Variants in FAXDC2 observed in about 807,000 individuals in gnomAD.
FAXDC2 encodes fatty acid hydroxylase domain-containing protein 2.
Under a neutral mutation model 40.9 loss-of-function variants are expected in FAXDC2, and 41 were observed. The observed-to-expected ratio is 1.00, with a 90% CI of 0.78 to 1.30. The LOEUF (loss-of-function observed/expected upper bound fraction) is 1.30. Among genes scored for constraint, FAXDC2 ranks in the 50% most tolerant of loss-of-function variants. The probability of loss-of-function intolerance (pLI) is 0.00; values close to 1 mark genes in which losing one functional copy is unlikely to be tolerated. For missense variants in FAXDC2, 390 were observed against 408.8 expected (o/e 0.95, Z 0.40); for synonymous variants, 157 against 149.3 (o/e 1.05, Z -0.38).
intron 1 of FAXDC2, among the ~76,000 whole-genome samples, chr5:154,841,385 G>A (rs1760471615): frequency 6.6e-6 from 1 of 152,146 alleles, no homozygotes; most frequent in African/African-American, 2.4e-5. Context: ...GTGGGTGGCT[G>A]GGATTCCTCT....
chr5:154,823,926 C>T (rs150624224), intron 5 of FAXDC2: 16 of 307,744 alleles, frequency 5.2e-5, no homozygotes, highest in Admixed American at 4.1e-4. Flanking sequence ...CTTGGGTAGC[C>T]TCCATGGTGC....
At chr5:154,825,668 A>AAAAAAAAAAAAAAG (rs70981954) in intron 5 of FAXDC2, among the ~76,000 whole-genome samples, 3 of 143,426 alleles carry the variant, frequency 2.1e-5, no homozygotes, top group African/African-American at 7.8e-5. Flanking sequence ...AAAAAAAAAA[A>AAAAAAAAAAAAAAG]GCAGTAATAT....
At chr5:154,830,090 T>C (rs967592886) in intron 5 of FAXDC2, among the ~76,000 whole-genome samples, 1 of 152,176 alleles carries the variant, frequency 6.6e-6, no homozygotes, top group Admixed American at 6.5e-5. Flanking sequence ...TAAAAGATGA[T>C]TGTCTTGTCT....
Position 154,818,755 on chromosome 5 carries a change from C to T in FAXDC2, c.*1561G>A, listed in dbSNP as rs1301781620. On this transcript the variant is annotated 3_prime_UTR_variant, in exon 9 of 9. Coordinates refer to ENST00000326080, the MANE Select transcript of FAXDC2 (RefSeq NM_032385.5). ...GAAAAAAACCGTATCTGTTCTTTCT[C>T]CTTATCTCCTACCCTTCTCTTTAAG... 1 of 152,252 alleles carries T rather than the reference C, an allele frequency of 6.6e-6. No individual in the cohort carries two copies. Among genetic ancestry groups the T allele is most frequent in the Admixed American group, 6.5e-5 (1 of 15,282 alleles). The allele number at this position is 152,252 out of a possible 1,614,324, so 9.4% of individuals were successfully genotyped here. A position where few individuals can be genotyped will look rare whatever the true frequency, so the allele number is the denominator to read the frequency against.
chr5:154,847,691 A>G (rs1218777375), intron 1 of FAXDC2, among the ~76,000 whole-genome samples: 1 of 149,106 alleles, frequency 6.7e-6, no homozygotes, highest in Non-Finnish European at 1.5e-5. Flanking sequence ...GGGTTTCACC[A>G]TGTTGGCCAG....
At chr5:154,835,385 G>A in intron 2 of FAXDC2, 1 of 165,018 alleles carries the variant, frequency 6.1e-6, no homozygotes, top group Non-Finnish European at 1.3e-5. Context: ...GGTGGGACCT[G>A]GGCTCCCCAG....
At chr5:154,843,879 A>G (rs1335923967) in intron 1 of FAXDC2, among the ~76,000 whole-genome samples, 4 of 152,272 alleles carry the variant, frequency 2.6e-5, no homozygotes, top group Admixed American at 1.3e-4. Flanking sequence ...TAATCCCAGC[A>G]CTTTGGGAGG....
At chr5:154,825,802 G>A (rs1760019942) in intron 5 of FAXDC2, among the ~76,000 whole-genome samples, 1 of 152,146 alleles carries the variant, frequency 6.6e-6, no homozygotes, top group South Asian at 2.1e-4. Context: ...GGATAGATTG[G>A]ATGTGGAGTA....
rs919604698 is a variant in FAXDC2 at position 154,818,640 on chromosome 5, A to G, written c.*1676T>C. ...GGCTGGGCCCTTCTGCCAAGGACTG[A>G]TAACCTGCCTGCCAAAAGGAAGAGG... On this transcript the variant is annotated 3_prime_UTR_variant, in exon 9 of 9. Coordinates refer to ENST00000326080, the MANE Select transcript of FAXDC2 (RefSeq NM_032385.5). 6.6e-6 allele frequency: 1 copy of G among 152,228 alleles called. No homozygotes were observed. The highest frequency in any genetic ancestry group is 2.4e-5 in the African/African-American group (1 of 41,460). The allele number at this position is 152,228 out of a possible 1,614,324, so 9.4% of individuals were successfully genotyped here.
chr5:154,820,317 C>T lies in FAXDC2; in HGVS notation c.1001G>A (p.Ter334=), dbSNP rs1418521827. 3.7e-6 allele frequency: 6 copies of T among 1,604,856 alleles called. No homozygotes were observed. The highest frequency in any genetic ancestry group is 2.2e-5 in the South Asian group (2 of 89,288). Residue 334 remains the stop codon, a stop_retained_variant, in exon 9 of 9, where the codon TGA becomes TAA. Transcript: ENST00000326080. The part of the protein sequence containing the change: ...SIPDSPKRME[*] The stretch of plus-strand genomic sequence containing the variant: ...CCAGGATGACACTTAGGCTGTCTCT[C>T]ACTCCATCCTCTTTGGGGAGTCTGG...
intron 1 of FAXDC2, among the ~76,000 whole-genome samples, chr5:154,845,451 C>A (rs567338658): frequency 1.3e-5 from 2 of 152,182 alleles, no homozygotes; most frequent in East Asian, 1.9e-4. Context: ...TTGGAGTGTG[C>A]CGTCTTAAGA....
intron 7 of FAXDC2, 82 bp downstream of exon 7, chr5:154,822,390 T>C: frequency 1.1e-6 from 1 of 937,692 alleles, no homozygotes; most frequent in Non-Finnish European, 1.7e-6. Flanking sequence ...GCCGGTGTGG[T>C]CTAAGTTCTC....
chr5:154,835,231 C>A (rs1272055101), intron 2 of FAXDC2: 3 of 311,902 alleles, frequency 9.6e-6, no homozygotes, highest in Admixed American at 9.2e-5. Flanking sequence ...GACAGGCGAG[C>A]CTCTATCAGC....
Position 154,841,824 on chromosome 5 carries a change from C to G in FAXDC2, c.1-3646G>C, listed in dbSNP as rs186198297. Among the ~76,000 whole-genome samples, 771 of 152,106 alleles carry G rather than the reference C, an allele frequency of 5.1e-3. 2 individuals carry two copies. The highest frequency in any genetic ancestry group is 7.7e-3 in the Admixed American group (118 of 15,278). ...GATCTCAGCTCACTGCAACCTCCGC[C>G]TCCCTGGTTCAAGCGATTATCCTGC... On this transcript the variant is annotated intron_variant, in intron 1 of 8. Coordinates refer to ENST00000326080, the MANE Select transcript of FAXDC2 (RefSeq NM_032385.5).
At chr5:154,835,000 G>A in intron 2 of FAXDC2, 66 bp from the exon 3 acceptor site, 3 of 1,000,988 alleles carry the variant, frequency 3.0e-6, no homozygotes, top group Non-Finnish European at 4.7e-6. Flanking sequence ...GCTCACTGCT[G>A]AGGCACAGCG....
chr5:154,821,820 G>T (rs890882542), intron 7 of FAXDC2: 1 of 181,142 alleles, frequency 5.5e-6, no homozygotes, highest in Non-Finnish European at 1.1e-5. Context: ...GGCCAGGTGC[G>T]ATGGCTCACT....
At chr5:154,845,014 A>T (rs1373276305) in intron 1 of FAXDC2, among the ~76,000 whole-genome samples, 1 of 152,230 alleles carries the variant, frequency 6.6e-6, no homozygotes, top group Admixed American at 6.5e-5. Flanking sequence ...GAGCAGCAGC[A>T]TTTATCTGTT....
At chr5:154,823,920 G>T in intron 5 of FAXDC2, 1 of 319,340 alleles carries the variant, frequency 3.1e-6, no homozygotes, top group Non-Finnish European at 5.9e-6. Context: ...AGGTAACTTG[G>T]GTAGCCTCCA....
At chr5:154,829,807 C>T (rs1451588469) in intron 5 of FAXDC2, among the ~76,000 whole-genome samples, 4 of 152,216 alleles carry the variant, frequency 2.6e-5, no homozygotes, top group South Asian at 2.1e-4. Context: ...CCGTGGTTGA[C>T]AGATGAAGTG....
Sources: allele counts gnomAD v4.1 joint callset (sites outside exome capture counted in the v4.1 genomes callset), GRCh38; gene constraint gnomAD v4.1.1; transcripts MANE v1.5; gene names NCBI Gene and HGNC (gene_info 2026-07-23, HGNC 2026-07-21).